Variants in CCDC7 observed in about 807,000 individuals in gnomAD.
CCDC7 encodes the protein coiled-coil domain containing 7.
Under a neutral mutation model 196.9 loss-of-function variants are expected in CCDC7, and 183 were observed. That is an observed-to-expected ratio of 0.93 (90% CI 0.82 to 1.05). The LOEUF (loss-of-function observed/expected upper bound fraction) is 1.05. Among genes scored for constraint, CCDC7 ranks in the 50% least tolerant of loss-of-function variants. The pLI is 0.00. For synonymous variants in CCDC7, 525 were observed against 484.6 expected (o/e 1.08, Z -1.10); for missense variants, 1,540 against 1,482.2 (o/e 1.04, Z -0.64).
intron 41 of CCDC7, among the ~76,000 whole-genome samples, chr10:32,862,055 C>T (rs1347140568): frequency 3.3e-5 from 5 of 152,156 alleles, no homozygotes; most frequent in Admixed American, 2.6e-4. Context: ...ACCCAGCAAT[C>T]CCACTACTGG....
At chr10:32,578,413 A>G (rs2058433208) in intron 16 of CCDC7, among the ~76,000 whole-genome samples, 2 of 151,704 alleles carry the variant, frequency 1.3e-5, no homozygotes, top group Non-Finnish European at 2.9e-5. Flanking sequence ...ATTATAATAT[A>G]TAATGAAATA....
chr10:32,708,582 G>T (rs1211915380), intron 24 of CCDC7, among the ~76,000 whole-genome samples: 3 of 152,086 alleles, frequency 2.0e-5, no homozygotes, highest in Non-Finnish European at 2.9e-5. Context: ...TGTGACAAAG[G>T]GCTAATGTCC....
intron 21 of CCDC7, among the ~76,000 whole-genome samples, chr10:32,666,775 T>A (rs2072852960): frequency 6.6e-6 from 1 of 152,036 alleles, no homozygotes; most frequent in Non-Finnish European, 1.5e-5. Context: ...CAGTCTATCA[T>A]TGTTGGACAT....
chr10:32,480,986 T>C (rs2039865503), intron 8 of CCDC7, among the ~76,000 whole-genome samples: 1 of 152,220 alleles, frequency 6.6e-6, no homozygotes, highest in African/African-American at 2.4e-5. Flanking sequence ...TCTATCTCTC[T>C]CTTCAGATCT....
intron 9 of CCDC7, among the ~76,000 whole-genome samples, chr10:32,510,458 C>T (rs1472592919): frequency 3.3e-5 from 5 of 152,236 alleles, no homozygotes; most frequent in East Asian, 1.9e-4. Flanking sequence ...ACAGCAGCAG[C>T]AGAAACCATG....
At chr10:32,845,674 C>G in intron 35 of CCDC7, 48 bp downstream of exon 36, 1 of 1,503,946 alleles carries the variant, frequency 6.6e-7, no homozygotes, top group Non-Finnish European at 9.2e-7. Context: ...TATTTATATT[C>G]CTGGAGTTAA....
Position 32,824,597 on chromosome 10 carries a change from T to TTA in CCDC7, c.3262_3263dup (p.Pro1089ThrfsTer6), listed in dbSNP as rs770763728. 5 of 1,605,070 alleles carry TTA rather than the reference T, an allele frequency of 3.1e-6. No homozygotes were observed. The highest frequency in any genetic ancestry group is 4.3e-6 in the Non-Finnish European group (5 of 1,173,678). On this transcript the variant is annotated frameshift_variant, in exon 32 of 42. Transcript: ENST00000639629. LOFTEE classifies it high-confidence loss of function. ...TTAAGACGCAGTTAAAGAGAAAGAG[T>TTA]TACCCTGGTAAGAATAAGAATTTTT...
At chr10:32,599,064 T>C (rs2138233472) in intron 18 of CCDC7, among the ~76,000 whole-genome samples, 1 of 152,304 alleles carries the variant, frequency 6.6e-6, no homozygotes. Flanking sequence ...ATTGTGTCAG[T>C]GTTTGGTTCA....
intron 29 of CCDC7, among the ~76,000 whole-genome samples, chr10:32,795,877 C>G (rs1252541065): frequency 6.6e-6 from 1 of 152,080 alleles, no homozygotes; most frequent in Admixed American, 6.6e-5. Context: ...GAAGTTTGTG[C>G]CCAGAGGACC....
Position 32,787,768 on chromosome 10 carries a change from T to TC in CCDC7, c.3013+8687dup, listed in dbSNP as rs1214796225. Among the ~76,000 whole-genome samples, 5 of 152,196 alleles carry TC rather than the reference T, an allele frequency of 3.3e-5. No homozygotes were observed. The East Asian group carries it at 9.7e-4, about 29-fold the overall frequency. ...TCTGCAAATGCAGTCTCCAGTTTTGTCCCACCGTCAGACCAGCTCTAGCAG... is the reference window on the plus strand; with the variant it reads ...TCTGCAAATGCAGTCTCCAGTTTTGTCCCCACCGTCAGACCAGCTCTAGCAG... On this transcript the variant is annotated intron_variant, in intron 29 of 41. Coordinates refer to ENST00000639629, the Ensembl canonical transcript of CCDC7.
chr10:32,836,356 A>G (rs2092598467), intron 33 of CCDC7, among the ~76,000 whole-genome samples: 1 of 152,172 alleles, frequency 6.6e-6, no homozygotes, highest in South Asian at 2.1e-4. Flanking sequence ...AAATATGATG[A>G]GTAAATCAAT....
At chr10:32,705,584 C>T (rs930526257) in intron 24 of CCDC7, among the ~76,000 whole-genome samples, 4 of 152,078 alleles carry the variant, frequency 2.6e-5, no homozygotes, top group Non-Finnish European at 5.9e-5. Context: ...ATCTCACGTG[C>T]AGAGGCACAC....
intron 20 of CCDC7, among the ~76,000 whole-genome samples, chr10:32,636,084 G>C (rs986741321): frequency 6.6e-6 from 1 of 152,048 alleles, no homozygotes. Flanking sequence ...ACTTCAACTA[G>C]TTGGTCTCTA....
chr10:32,627,334 G>T (rs949350358), intron 18 of CCDC7, among the ~76,000 whole-genome samples: 11 of 151,844 alleles, frequency 7.2e-5, no homozygotes, highest in African/African-American at 2.4e-4. Context: ...ATAGTTCATT[G>T]TTAATGTATA....
downstream of CCDC7, among the ~76,000 whole-genome samples, chr10:32,879,557 A>G (rs1218520704): frequency 6.6e-6 from 1 of 151,960 alleles, no homozygotes; most frequent in African/African-American, 2.4e-5. Context: ...ACATCAAACA[A>G]TTGTCTCCTT....
At chr10:32,660,026 T>A (rs1394036317) in intron 20 of CCDC7, among the ~76,000 whole-genome samples, 1 of 152,190 alleles carries the variant, frequency 6.6e-6, no homozygotes, top group Non-Finnish European at 1.5e-5. Context: ...TGTGCACATG[T>A]ACGTGCCTGT....
chr10:32,752,780 AAT>A (rs757793926), intron 28 of CCDC7, among the ~76,000 whole-genome samples: 2 of 152,114 alleles, frequency 1.3e-5, no homozygotes, highest in Non-Finnish European at 2.9e-5. Context: ...GAAGTATTTC[AAT>A]GTCTAGATTT....
At chr10:32,824,140 C>A (rs1253991533) in intron 31 of CCDC7, among the ~76,000 whole-genome samples, 1 of 151,828 alleles carries the variant, frequency 6.6e-6, no homozygotes, top group Non-Finnish European at 1.5e-5. Flanking sequence ...TATATATGTT[C>A]TTAATATATA....
At chr10:32,828,803 G>T (rs1391921016) in intron 32 of CCDC7, among the ~76,000 whole-genome samples, 3 of 152,132 alleles carry the variant, frequency 2.0e-5, no homozygotes, top group Non-Finnish European at 2.9e-5. Context: ...GGAATCATGG[G>T]GTGGAAGTGG....
Sources: allele counts gnomAD v4.1 joint callset (sites outside exome capture counted in the v4.1 genomes callset), GRCh38; gene constraint gnomAD v4.1.1; transcripts MANE v1.5; gene names NCBI Gene and HGNC (gene_info 2026-07-23, HGNC 2026-07-21).